RPGRIP1L: variants seen among roughly 807,000 people sequenced by gnomAD.
RPGRIP1L encodes protein fantom.
A neutral mutation model predicts 160.4 loss-of-function variants in RPGRIP1L; 131 were observed. That is an observed-to-expected ratio of 0.82 (90% CI 0.71 to 0.94). The LOEUF (loss-of-function observed/expected upper bound fraction) is 0.94. RPGRIP1L is among the 40% of genes least tolerant of loss of function. The pLI, the probability that RPGRIP1L is intolerant of heterozygous loss-of-function variation, is 0.00. For synonymous variants in RPGRIP1L, 510 were observed against 515.8 expected, an observed-to-expected ratio of 0.99 and a Z score of 0.15; for missense variants, 1,522 against 1,535.8, an observed-to-expected ratio of 0.99 and a Z score of 0.15.
chr16:53,604,275 C>G (rs558557945), intron 26 of RPGRIP1L, among the ~76,000 whole-genome samples: 1 of 152,206 alleles, frequency 6.6e-6, no homozygotes, highest in East Asian at 1.9e-4. Flanking sequence ...TTGACACATA[C>G]CTAGGACAAG....
At chr16:53,702,694 T>A (rs1971543240) in intron 1 of RPGRIP1L, among the ~76,000 whole-genome samples, 1 of 151,746 alleles carries the variant, frequency 6.6e-6, no homozygotes, top group Admixed American at 6.6e-5. Flanking sequence ...TTTCTTTTTT[T>A]TTTTTTTGAG....
chr16:53,607,638 T>C (rs966647331), intron 25 of RPGRIP1L, among the ~76,000 whole-genome samples: 3 of 152,224 alleles, frequency 2.0e-5, no homozygotes, highest in Non-Finnish European at 4.4e-5. Context: ...CTAAGGATCA[T>C]GTCTGTATCA....
At chr16:53,683,695 A>C (rs1427051511) in intron 6 of RPGRIP1L, among the ~76,000 whole-genome samples, 1 of 150,388 alleles carries the variant, frequency 6.6e-6, no homozygotes, top group African/African-American at 2.4e-5. Context: ...TTAGTTCAAA[A>C]AAAAAAAAAA....
At chr16:53,653,080 T>C (rs1966924859) in intron 14 of RPGRIP1L, 93 bp from the exon 15 acceptor site, 5 of 1,032,064 alleles carry the variant, frequency 4.8e-6, no homozygotes, top group Non-Finnish European at 7.3e-6. Context: ...GTACTTCTGG[T>C]GAACAGTCTC....
At chr16:53,635,602 G>C (rs1965791059) in intron 22 of RPGRIP1L, 1 of 152,246 alleles carries the variant, frequency 6.6e-6, no homozygotes, top group Non-Finnish European at 1.5e-5. Context: ...TGGGATTTCA[G>C]GTGTGAAGCA....
At chr16:53,640,882 AG>A (rs1172991211) in intron 19 of RPGRIP1L, 150 bp downstream of exon 19, 1 of 694,848 alleles carries the variant, frequency 1.4e-6, no homozygotes, top group African/African-American at 1.8e-5. Flanking sequence ...ACTTATATAT[AG>A]TGCCGAAACA....
At chr16:53,688,970 T>C (rs1337689835) in intron 4 of RPGRIP1L, among the ~76,000 whole-genome samples, 3 of 151,658 alleles carry the variant, frequency 2.0e-5, no homozygotes, top group Admixed American at 2.0e-4. Flanking sequence ...TTTTCCTACA[T>C]ATACCATGAA....
intron 14 of RPGRIP1L, among the ~76,000 whole-genome samples, chr16:53,656,097 G>A (rs559108190): frequency 6.6e-6 from 1 of 152,264 alleles, no homozygotes; most frequent in Non-Finnish European, 1.5e-5. Flanking sequence ...AATTTATGAA[G>A]TAATTTGAAA....
At position 53,645,886 on chromosome 16, in the gene RPGRIP1L, G is replaced by T. The variant is rs535131999; in HGVS notation, c.2422C>A (p.His808Asn). Residue 808 changes from histidine to asparagine, a missense_variant, in exon 17 of 27, where the codon CAC becomes AAC. Transcript: ENST00000647211. ...ACAACATATGGGTGTGGCTGCAGGT[G>T]GCTTGCTCGGGACTGCAGGTGGTTG... Reference protein sequence around the residue: ...CCNHLQSRASHLQPHPYVVYK... With the variant: ...CCNHLQSRASNLQPHPYVVYK... The T allele has an allele frequency of 4.3e-6, 7 of 1,614,030 alleles. No individual in the cohort carries two copies. The highest frequency in any genetic ancestry group is 5.9e-6 in the Non-Finnish European group (7 of 1,180,032).
intron 2 of RPGRIP1L, among the ~76,000 whole-genome samples, chr16:53,700,405 G>A (rs1055355235): frequency 1.4e-4 from 22 of 152,122 alleles, no homozygotes; most frequent in African/African-American, 5.1e-4. Flanking sequence ...GATGATTTAT[G>A]TTAATTCTTT....
At chr16:53,696,321 T>G in intron 2 of RPGRIP1L, 26 bp from the exon 3 acceptor site, 1 of 1,612,354 alleles carries the variant, frequency 6.2e-7, no homozygotes, top group South Asian at 1.1e-5. Context: ...GATAATTAAT[T>G]GTGAGGTTAC....
At chr16:53,695,380 A>AACC in intron 3 of RPGRIP1L, 1 of 703,014 alleles carries the variant, frequency 1.4e-6, no homozygotes, top group South Asian at 1.5e-5. Context: ...ACTGAACTGG[A>AACC]ACCACCTCCT....
At chr16:53,666,566 A>ATGTGTGTGTG (rs112955038) in intron 9 of RPGRIP1L, among the ~76,000 whole-genome samples, 1,890 of 136,716 alleles carry the variant, frequency 0.014, 28 homozygotes, top group Middle Eastern at 0.049. Context: ...GAGTACATCT[A>ATGTGTGTGTG]TGTGTGTGTG....
chr16:53,629,212 A>G (rs1965359693), intron 22 of RPGRIP1L, among the ~76,000 whole-genome samples: 1 of 152,148 alleles, frequency 6.6e-6, no homozygotes. Flanking sequence ...TTCTGACTTA[A>G]TTTATCTAGG....
intron 2 of RPGRIP1L, among the ~76,000 whole-genome samples, chr16:53,698,700 C>A (rs1169995960): frequency 6.9e-6 from 1 of 145,050 alleles, no homozygotes; most frequent in Non-Finnish European, 1.5e-5. Context: ...GCCAGCCGCA[C>A]CGCCCGGGAG....
chr16:53,663,913 T>C (rs181066985), intron 10 of RPGRIP1L, among the ~76,000 whole-genome samples: 2 of 152,296 alleles, frequency 1.3e-5, no homozygotes, highest in Non-Finnish European at 2.9e-5. Context: ...TATGAAAAGA[T>C]AATGTTCCTT....
chr16:53,683,487 T>C (rs961442779), intron 6 of RPGRIP1L, among the ~76,000 whole-genome samples: 1 of 152,096 alleles, frequency 6.6e-6, no homozygotes, highest in Admixed American at 6.6e-5. Context: ...GGTAGGTATG[T>C]TTTTAAAAAT....
intron 16 of RPGRIP1L, among the ~76,000 whole-genome samples, chr16:53,647,240 G>A (rs1415672354): frequency 6.6e-6 from 1 of 152,152 alleles, no homozygotes; most frequent in African/African-American, 2.4e-5. Flanking sequence ...TATTAGTCAC[G>A]CTTCTTTAAC....
chr16:53,629,123 C>T (rs1045150704), intron 22 of RPGRIP1L, among the ~76,000 whole-genome samples: 2 of 152,164 alleles, frequency 1.3e-5, no homozygotes, highest in African/African-American at 2.4e-5. Context: ...CTTTCACCAT[C>T]ACTGAGAACA....
Sources: gnomAD v4.1 joint callset for allele counts (sites outside exome capture counted in the v4.1 genomes callset) on GRCh38, gnomAD v4.1.1 for gene constraint, MANE v1.5 for transcripts, NCBI Gene and HGNC (gene_info 2026-07-23, HGNC 2026-07-21) for gene names.